Variants in IL1RAP observed in about 807,000 individuals in gnomAD.
IL1RAP encodes the protein interleukin 1 receptor accessory protein, also known as interleukin-1 receptor accessory protein.
Under a neutral mutation model 60.7 loss-of-function variants are expected in IL1RAP, and 35 were observed. That is an observed-to-expected ratio of 0.58 (90% CI 0.44 to 0.76). IL1RAP has a LOEUF of 0.76. Among genes scored for constraint, IL1RAP ranks in the 30% least tolerant of loss-of-function variants. The pLI, the probability that IL1RAP is intolerant of heterozygous loss-of-function variation, is 0.00. For synonymous variants in IL1RAP, 268 were observed against 250.9 expected, an observed-to-expected ratio of 1.07 and a Z score of -0.64; for missense variants, 572 against 693.9, an observed-to-expected ratio of 0.82 and a Z score of 1.97.
At chr3:190,560,819 A>G (rs1213587172) in intron 2 of IL1RAP, among the ~76,000 whole-genome samples, 1 of 152,226 alleles carries the variant, frequency 6.6e-6, no homozygotes, top group Non-Finnish European at 1.5e-5. Context: ...TAAGGTGCTG[A>G]GCACGTGAAG....
chr3:190,541,143 C>T (rs942827492), intron 1 of IL1RAP, among the ~76,000 whole-genome samples: 28 of 151,808 alleles, frequency 1.8e-4, no homozygotes, highest in Admixed American at 1.0e-3. Context: ...TGCTATCTAC[C>T]AAAGTTAGGG....
intron 4 of IL1RAP, 117 bp from the exon 5 acceptor site, chr3:190,608,874 AACTT>A: frequency 1.5e-6 from 1 of 671,062 alleles, no homozygotes; most frequent in Admixed American, 3.1e-5. Context: ...CTCTTACATG[AACTT>A]ACATGTATAA....
chr3:190,571,744 C>T (rs1388309005), intron 3 of IL1RAP, among the ~76,000 whole-genome samples: 1 of 152,182 alleles, frequency 6.6e-6, no homozygotes, highest in Non-Finnish European at 1.5e-5. Flanking sequence ...GCAAGCTTGT[C>T]CAACCCGTGG....
intron 3 of IL1RAP, among the ~76,000 whole-genome samples, chr3:190,603,204 AG>A (rs1730010619): frequency 1.3e-5 from 2 of 152,200 alleles, no homozygotes; most frequent in South Asian, 2.1e-4. Flanking sequence ...AGAGAAAACT[AG>A]GGCTGTTTTT....
At chr3:190,655,603 G>GTT (rs1734591056), downstream of IL1RAP, among the ~76,000 whole-genome samples, 1 of 145,724 alleles carries the variant, frequency 6.9e-6, no homozygotes, top group Non-Finnish European at 1.5e-5. Context: ...GTGTGTGTGT[G>GTT]TGTTTTAAGA....
Position 190,649,567 on chromosome 3 carries a change from G to C in IL1RAP, c.*862G>C. 1.0e-6 allele frequency: 1 copy of C among 985,760 alleles called. No homozygotes were observed. Among genetic ancestry groups the C allele is most frequent in the Non-Finnish European group, 1.2e-6 (1 of 829,894 alleles). 61.1% of individuals were successfully genotyped at this position (985,760 alleles called of 1,614,324 possible). A position where few individuals can be genotyped will look rare whatever the true frequency, so the allele number is the denominator to read the frequency against. ...AAAGACTCTTTTAGGGCATTTTTCT[G>C]ACTCATGAAAAGAGCACAGAAAAGG... On this transcript the variant is annotated 3_prime_UTR_variant, in exon 12 of 12. Transcript: ENST00000447382.
intron 1 of IL1RAP, among the ~76,000 whole-genome samples, chr3:190,531,511 C>A (rs190336255): frequency 6.6e-6 from 1 of 152,310 alleles, no homozygotes; most frequent in Non-Finnish European, 1.5e-5. Flanking sequence ...ATCTACACAT[C>A]TTTGAATTAG....
intron 3 of IL1RAP, among the ~76,000 whole-genome samples, chr3:190,568,328 A>G (rs1167312763): frequency 1.3e-5 from 2 of 152,206 alleles, no homozygotes; most frequent in African/African-American, 4.8e-5. Flanking sequence ...CCAAGTGCTC[A>G]TGATAGCCTG....
At chr3:190,550,480 T>C (rs1428553162) in intron 1 of IL1RAP, 3 of 152,380 alleles carry the variant, frequency 2.0e-5, no homozygotes, top group Admixed American at 2.0e-4. Flanking sequence ...GAGAAAATGA[T>C]GTCTTGTGAC....
intron 5 of IL1RAP, among the ~76,000 whole-genome samples, chr3:190,614,081 G>A (rs750526352): frequency 8.6e-5 from 13 of 151,564 alleles, no homozygotes; most frequent in South Asian, 2.1e-4. Flanking sequence ...GCATCTACCC[G>A]GATGTCTTGG....
intron 1 of IL1RAP, among the ~76,000 whole-genome samples, chr3:190,516,977 ACT>A (rs1414141662): frequency 3.9e-5 from 6 of 152,204 alleles, no homozygotes; most frequent in East Asian, 1.9e-4. Flanking sequence ...TTCCCATCAC[ACT>A]CTGTTTCCTC....
At chr3:190,632,199 T>C (rs1187883784) in intron 9 of IL1RAP, among the ~76,000 whole-genome samples, 1 of 152,208 alleles carries the variant, frequency 6.6e-6, no homozygotes, top group East Asian at 1.9e-4. Context: ...GATTGTACCA[T>C]TTTACCTGTC....
intron 3 of IL1RAP, among the ~76,000 whole-genome samples, chr3:190,572,867 T>TTTTTG (rs1727072741): frequency 3.2e-5 from 1 of 31,458 alleles, no homozygotes; most frequent in African/African-American, 1.1e-4. Flanking sequence ...TTGTTTTTTT[T>TTTTTG]TTTTTTTTTT....
At chr3:190,550,933 A>G (rs1447598663) in intron 1 of IL1RAP, among the ~76,000 whole-genome samples, 2 of 152,136 alleles carry the variant, frequency 1.3e-5, no homozygotes, top group African/African-American at 2.4e-5. Context: ...TGGCCTGATT[A>G]TTTGCATAAA....
At chr3:190,535,786 A>T (rs28657503) in intron 1 of IL1RAP, among the ~76,000 whole-genome samples, 8,424 of 152,254 alleles carry the variant, frequency 0.055, 297 homozygotes, top group Non-Finnish European at 0.073. Flanking sequence ...CTGACGTTGG[A>T]TCAATCATGC....
At chr3:190,562,077 G>A (rs3773983) in intron 2 of IL1RAP, among the ~76,000 whole-genome samples, 13,633 of 152,112 alleles carry the variant, frequency 0.09, 657 homozygotes, top group East Asian at 0.12. Flanking sequence ...AAAATCTTCT[G>A]TAGTTCTTTT....
chr3:190,637,409 A>G (rs1044999430), intron 9 of IL1RAP, among the ~76,000 whole-genome samples: 4 of 152,144 alleles, frequency 2.6e-5, no homozygotes, highest in Non-Finnish European at 2.9e-5. Context: ...AAGGAATTAC[A>G]CAGTGAGCAG....
chr3:190,648,229 C>A, intron 11 of IL1RAP, 109 bp from the exon 12 acceptor site: 1 of 1,397,944 alleles, frequency 7.2e-7, no homozygotes. Flanking sequence ...AATGTTTCAC[C>A]TCAATTCTTA....
At chr3:190,621,110 A>G in intron 6 of IL1RAP, among the ~76,000 whole-genome samples, 1 of 152,306 alleles carries the variant, frequency 6.6e-6, no homozygotes, top group South Asian at 2.1e-4. Context: ...ACCCCTAAAT[A>G]CCACTGTGTC....
Sources: gnomAD v4.1 joint callset for allele counts (sites outside exome capture counted in the v4.1 genomes callset) on GRCh38, gnomAD v4.1.1 for gene constraint, MANE v1.5 for transcripts, NCBI Gene and HGNC (gene_info 2026-07-23, HGNC 2026-07-21) for gene names.